OCA2: variants seen among roughly 807,000 people sequenced by gnomAD.
OCA2 encodes the protein OCA2 melanosomal transmembrane protein.
OCA2 carries 77 observed loss-of-function variants against 100.2 expected under a neutral mutation model. The observed-to-expected ratio is 0.77, with a 90% CI of 0.64 to 0.93. OCA2 has a LOEUF of 0.93. OCA2 is among the 40% of genes least tolerant of loss of function. The pLI, the probability that OCA2 is intolerant of heterozygous loss-of-function variation, is 0.00. For synonymous variants in OCA2, 432 were observed against 439.2 expected (o/e 0.98, Z 0.21); for missense variants, 1,062 against 1,089.1 (o/e 0.98, Z 0.35).
intron 19 of OCA2, among the ~76,000 whole-genome samples, chr15:27,917,199 G>GATA (rs112448919): frequency 4.6e-5 from 7 of 152,038 alleles, no homozygotes; most frequent in South Asian, 2.1e-4. Flanking sequence ...TACTAAAAAT[G>GATA]ATAATAATAA....
chr15:28,038,192 C>CTT (rs1257293620), intron 2 of OCA2, among the ~76,000 whole-genome samples: 1 of 152,180 alleles, frequency 6.6e-6, no homozygotes, highest in Non-Finnish European at 1.5e-5. Context: ...AGCAAACTAG[C>CTT]AGGCAGTGGT....
intron 23 of OCA2, among the ~76,000 whole-genome samples, chr15:27,818,361 C>A (rs2034384352): frequency 1.3e-5 from 2 of 152,124 alleles, no homozygotes; most frequent in African/African-American, 4.8e-5. Flanking sequence ...CGCACTCCAG[C>A]CTGGGTAACA....
intron 21 of OCA2, among the ~76,000 whole-genome samples, chr15:27,868,644 C>A (rs1378318479): frequency 6.6e-6 from 1 of 152,098 alleles, no homozygotes; most frequent in Non-Finnish European, 1.5e-5. Flanking sequence ...CGTGGTATGA[C>A]ACAGTGCCTA....
intron 23 of OCA2, among the ~76,000 whole-genome samples, chr15:27,765,946 C>G (rs1405765974): frequency 6.6e-6 from 1 of 152,178 alleles, no homozygotes; most frequent in East Asian, 1.9e-4. Flanking sequence ...CCTAACTCAT[C>G]CCGTGAATTA....
chr15:27,934,249 T>A (rs1296469243), intron 18 of OCA2, among the ~76,000 whole-genome samples: 1 of 152,162 alleles, frequency 6.6e-6, no homozygotes, highest in Non-Finnish European at 1.5e-5. Flanking sequence ...GCAAAAATGT[T>A]GGGACCCCAG....
At chr15:27,959,016 G>A (rs1011228527) in intron 15 of OCA2, among the ~76,000 whole-genome samples, 8 of 152,170 alleles carry the variant, frequency 5.3e-5, no homozygotes, top group Non-Finnish European at 1.2e-4. Context: ...ATCACCCACT[G>A]CGTGGCAGAC....
At chr15:27,822,336 G>A (rs1236144085) in intron 23 of OCA2, among the ~76,000 whole-genome samples, 2 of 152,096 alleles carry the variant, frequency 1.3e-5, no homozygotes, top group African/African-American at 4.8e-5. Flanking sequence ...TTATGTTCTT[G>A]AGAATCTTCC....
intron 2 of OCA2, among the ~76,000 whole-genome samples, chr15:28,079,894 CT>C (rs11301753): frequency 0.049 from 7,515 of 152,300 alleles, 589 homozygotes; most frequent in African/African-American, 0.17. Context: ...CCTCCTCCAC[CT>C]GGAATCCTGC....
At chr15:27,848,371 C>T (rs1270128354) in intron 22 of OCA2, among the ~76,000 whole-genome samples, 8 of 152,228 alleles carry the variant, frequency 5.3e-5, no homozygotes, top group Admixed American at 2.0e-4. Flanking sequence ...CAGATGCCAA[C>T]GATGTTGCAG....
intron 1 of OCA2, among the ~76,000 whole-genome samples, chr15:28,095,804 G>A (rs971933289): frequency 4.6e-5 from 7 of 152,098 alleles, no homozygotes; most frequent in African/African-American, 1.7e-4. Context: ...AGGTTTAGGC[G>A]CTGAGGTGAA....
intron 18 of OCA2, among the ~76,000 whole-genome samples, chr15:27,928,786 C>G (rs1467204974): frequency 6.6e-6 from 1 of 152,194 alleles, no homozygotes; most frequent in Non-Finnish European, 1.5e-5. Flanking sequence ...TCACAGCTCT[C>G]TAACTGGCTC....
At chr15:27,850,256 A>C (rs1567021774) in intron 22 of OCA2, among the ~76,000 whole-genome samples, 2 of 152,126 alleles carry the variant, frequency 1.3e-5, no homozygotes, top group Admixed American at 6.6e-5. Context: ...CACTCAGGGC[A>C]CACCACCGTT....
intron 2 of OCA2, among the ~76,000 whole-genome samples, chr15:28,071,653 A>G (rs899861810): frequency 3.3e-5 from 5 of 152,236 alleles, no homozygotes; most frequent in African/African-American, 1.2e-4. Flanking sequence ...TGGCCAATAT[A>G]AACAAACAAT....
At chr15:27,995,630 T>A (rs2041699747) in intron 9 of OCA2, among the ~76,000 whole-genome samples, 2 of 151,918 alleles carry the variant, frequency 1.3e-5, no homozygotes, top group African/African-American at 4.8e-5. Flanking sequence ...TCTCAAGTGA[T>A]CCTCCTGCCT....
At chr15:27,878,950 T>A (rs2036899697) in intron 19 of OCA2, among the ~76,000 whole-genome samples, 1 of 152,170 alleles carries the variant, frequency 6.6e-6, no homozygotes, top group Admixed American at 6.6e-5. Context: ...ACCTATCAAC[T>A]CATCACGTAG....
intron 23 of OCA2, among the ~76,000 whole-genome samples, chr15:27,844,755 C>T (rs2035470290): frequency 6.6e-6 from 1 of 152,120 alleles, no homozygotes; most frequent in African/African-American, 2.4e-5. Context: ...CCCGTCTCGC[C>T]CTCCCAAAGT....
the OCA2 span, among the ~76,000 whole-genome samples, chr15:27,744,115 T>C: frequency 2.0e-5 from 3 of 152,084 alleles, no homozygotes; most frequent in Non-Finnish European, 4.4e-5. Context: ...CGATTTAGCA[T>C]CCTTAGCCCC....
intron 19 of OCA2, among the ~76,000 whole-genome samples, chr15:27,873,864 C>A (rs2036682386): frequency 6.6e-6 from 1 of 152,124 alleles, no homozygotes; most frequent in Non-Finnish European, 1.5e-5. Context: ...ATCTATCAAG[C>A]CTAACACTGT....
rs112100018 is a variant in OCA2 at position 28,017,999 on chromosome 15, A to G, written c.807+398T>C. ...AGATACAGCAGCTCAGAACGTAGGCACTGTCTTAGCAGATGTCCACAAACA... is the reference window on the plus strand; with the variant it reads ...AGATACAGCAGCTCAGAACGTAGGCGCTGTCTTAGCAGATGTCCACAAACA... On this transcript the variant is annotated intron_variant, in intron 7 of 23. Coordinates refer to ENST00000354638, the MANE Select transcript of OCA2 (RefSeq NM_000275.3). 7.6e-3 allele frequency among the ~76,000 whole-genome samples: 1,161 copies of G among 152,180 alleles called. 24 individuals carry two copies. Among genetic ancestry groups the G allele is most frequent in the African/African-American group, 0.027 (1,104 of 41,498 alleles).
Sources: allele counts gnomAD v4.1 joint callset (sites outside exome capture counted in the v4.1 genomes callset), GRCh38; gene constraint gnomAD v4.1.1; transcripts MANE v1.5; gene names NCBI Gene and HGNC (gene_info 2026-07-23, HGNC 2026-07-21).